PARD6G: variants seen among roughly 807,000 people sequenced by gnomAD.
The protein encoded by PARD6G is par-6 family cell polarity regulator gamma, also known as partitioning defective 6 homolog gamma.
A neutral mutation model predicts 10.7 loss-of-function variants in PARD6G; 7 were observed. The ratio of observed to expected loss-of-function variants is 0.66; its 90% CI spans 0.37 to 1.23. PARD6G has a LOEUF of 1.23. Ranked by LOEUF, PARD6G falls within the 50% of genes most tolerant of loss-of-function variation. The pLI, the probability that PARD6G is intolerant of heterozygous loss-of-function variation, is 0.02. For synonymous variants in PARD6G, 287 were observed against 269.4 expected, an observed-to-expected ratio of 1.07 and a Z score of -0.64; for missense variants, 548 against 571.8, an observed-to-expected ratio of 0.96 and a Z score of 0.42.
rs576316448 is a variant in PARD6G at position 80,235,090 on chromosome 18, T to C, written c.72+12187A>G. On this transcript the variant is annotated intron_variant, in intron 1 of 2. Coordinates refer to ENST00000353265, the MANE Select transcript of PARD6G (RefSeq NM_032510.4). ...CCACCACACCACACCTATTCCAAAA[T>C]TGACCACATAGTTGGAAGTAAAGCA... Among the ~76,000 whole-genome samples the C allele has an allele frequency of 2.6e-5, 4 of 152,230 alleles. No individual in the cohort carries two copies. The South Asian group carries it at 8.3e-4, about 32-fold the overall frequency.
chr18:80,227,794 G>A (rs924421367), intron 1 of PARD6G, among the ~76,000 whole-genome samples: 8 of 152,080 alleles, frequency 5.3e-5, no homozygotes, highest in Non-Finnish European at 8.8e-5. Flanking sequence ...CCCAGAAAGA[G>A]AAGAGCATCT....
intron 2 of PARD6G, among the ~76,000 whole-genome samples, chr18:80,185,136 A>G (rs932868879): frequency 6.6e-6 from 1 of 152,170 alleles, no homozygotes; most frequent in African/African-American, 2.4e-5. Context: ...ATGAATTACA[A>G]TCTGAAAGTC....
rs971974572 is a variant in PARD6G at position 80,160,237 on chromosome 18, A to G, written c.665T>C (p.Ile222Thr). 4 of 1,612,514 alleles carry G rather than the reference A, an allele frequency of 2.5e-6. No individual in the cohort carries two copies. The highest frequency in any genetic ancestry group is 1.7e-5 in the Admixed American group (1 of 59,976). The change falls in exon 3 of 3, where the codon ATT (isoleucine) becomes ACT (threonine). Residue 222 changes from isoleucine (I) to threonine (T), a missense_variant. Ile to Thr is a moderately conservative substitution (Grantham distance 89, BLOSUM62 -1). This residue lies in a region of PARD6G where 313 missense variants were observed against 279.9 expected (regional missense o/e 1.12). Transcript: ENST00000353265. Reference sequence around the variant, plus strand: ...GTCCAGCGTCTTCCCGGCCACCTCAATGCCGTTCACCTCCAGGACCTCGTC... The same window carrying G: ...GTCCAGCGTCTTCCCGGCCACCTCAGTGCCGTTCACCTCCAGGACCTCGTC... ...VNDEVLEVNGIEVAGKTLDQV... is the reference protein window; with the variant it reads ...VNDEVLEVNGTEVAGKTLDQV...
At position 80,247,307 on chromosome 18, in the gene PARD6G, G is replaced by C; in HGVS notation, c.42C>G (p.Tyr14Ter). The change falls in exon 1 of 3, where the codon TAC (tyrosine) becomes TAG (stop). Residue 14 changes from tyrosine to a stop codon, truncating the protein, a stop_gained. Coordinates refer to ENST00000353265, the MANE Select transcript of PARD6G (RefSeq NM_032510.4). LOFTEE classifies it high-confidence loss of function. The surrounding 1 kb of genome is among the most constrained non-coding windows in gnomAD (Gnocchi z 4.2). ...SFHKSQTLRF[Y>*]DCSAVEVKSK... ...TCTTGACTTCCACTGCGCTGCAATC[G>C]TAGAATCGCAAGGTCTGAGACTTGT... 1 of 1,584,806 alleles carries C rather than the reference G, an allele frequency of 6.3e-7. No individual in the cohort carries two copies. Among genetic ancestry groups the C allele is most frequent in the Non-Finnish European group, 8.6e-7 (1 of 1,166,480 alleles).
intron 2 of PARD6G, among the ~76,000 whole-genome samples, chr18:80,174,935 C>A (rs2052799971): frequency 6.6e-6 from 1 of 151,900 alleles, no homozygotes; most frequent in Admixed American, 6.6e-5. Context: ...GGCGACAGAG[C>A]CAGACTCCAT....
intron 2 of PARD6G, chr18:80,187,959 C>T (rs943531582): frequency 6.6e-6 from 1 of 152,220 alleles, no homozygotes; most frequent in Non-Finnish European, 1.5e-5. Flanking sequence ...ATCTGTGTAT[C>T]TAAATACTTC....
At chr18:80,199,848 T>G (rs1255073928) in intron 2 of PARD6G, among the ~76,000 whole-genome samples, 6 of 152,182 alleles carry the variant, frequency 3.9e-5, no homozygotes, top group African/African-American at 1.4e-4. Context: ...TTTCACCATG[T>G]TGGCCAGGCT....
intron 1 of PARD6G, among the ~76,000 whole-genome samples, chr18:80,241,652 C>T (rs1305272875): frequency 1.3e-5 from 2 of 152,144 alleles, no homozygotes; most frequent in East Asian, 1.9e-4. Flanking sequence ...CTGGGGGACT[C>T]GGGGCAGGGC....
rs915899695 is a variant in PARD6G, at chr18:80,246,674, G to T, written c.72+603C>A. ...CTGGCCCGGGGACGCGCCCGGGGAG[G>T]CGTGGTCTGGGTCTGGGCCGGGGGA... On this transcript the variant is annotated intron_variant, in intron 1 of 2. Coordinates refer to ENST00000353265, the MANE Select transcript of PARD6G (RefSeq NM_032510.4). This position sits in a 1 kb window ranked among gnomAD's most constrained non-coding sequence, Gnocchi z 6.7. 3.3e-5 allele frequency among the ~76,000 whole-genome samples: 5 copies of T among 151,498 alleles called. No homozygotes were observed. The highest frequency in any genetic ancestry group is 3.3e-4 in the Admixed American group (5 of 15,256).
intron 1 of PARD6G, among the ~76,000 whole-genome samples, chr18:80,243,735 G>A (rs567105987): frequency 6.6e-6 from 1 of 152,276 alleles, no homozygotes; most frequent in African/African-American, 2.4e-5. Flanking sequence ...CAGGCATCCA[G>A]AATGACTTTG....
intron 1 of PARD6G, among the ~76,000 whole-genome samples, chr18:80,240,409 C>G (rs1967476800): frequency 6.6e-6 from 1 of 152,130 alleles, no homozygotes; most frequent in Non-Finnish European, 1.5e-5. Context: ...GTCAGGAAAA[C>G]CCACTTGTTT....
chr18:80,175,342 T>C lies in PARD6G; in HGVS notation c.296-14736A>G, dbSNP rs892217437. Among the ~76,000 whole-genome samples, 1 of 152,186 alleles carries C rather than the reference T, an allele frequency of 6.6e-6. No individual in the cohort carries two copies. The highest frequency in any genetic ancestry group is 2.1e-4 in the South Asian group (1 of 4,824). ...GTTCTGGAGGCTGGAAAGTCCCATATCAAGGTCCGGCTTGTAACAGTTTCT... is the reference window on the plus strand; with the variant it reads ...GTTCTGGAGGCTGGAAAGTCCCATACCAAGGTCCGGCTTGTAACAGTTTCT... On this transcript the variant is annotated intron_variant, in intron 2 of 2. Coordinates refer to ENST00000353265, the MANE Select transcript of PARD6G (RefSeq NM_032510.4). The surrounding 1 kb of genome is among the most constrained non-coding windows in gnomAD (Gnocchi z 6.7).
intron 1 of PARD6G, among the ~76,000 whole-genome samples, chr18:80,220,263 GTAACTGCCCCCATGATTCAA>G (rs1348437265): frequency 1.3e-5 from 2 of 152,238 alleles, no homozygotes; most frequent in East Asian, 3.9e-4. Flanking sequence ...CAGCATAGAG[GTAACTGCCCCCATGATTCAA>G]TTACCTCCCA....
chr18:80,210,079 A>G (rs1175929125), intron 1 of PARD6G, among the ~76,000 whole-genome samples: 2 of 152,202 alleles, frequency 1.3e-5, no homozygotes, highest in Non-Finnish European at 2.9e-5. Context: ...CAGTTGCGAT[A>G]AAAGTAATGT....
chr18:80,193,096 C>T (rs966243535), intron 2 of PARD6G, among the ~76,000 whole-genome samples: 12 of 152,144 alleles, frequency 7.9e-5, no homozygotes, highest in Middle Eastern at 3.2e-3. Context: ...CGGAGACCCA[C>T]CTGAAGCCCA....
At chr18:80,244,815 T>C (rs1967526603) in intron 1 of PARD6G, among the ~76,000 whole-genome samples, 1 of 152,178 alleles carries the variant, frequency 6.6e-6, no homozygotes, top group Admixed American at 6.5e-5. Context: ...GCTGTTATTT[T>C]GACAACAGCG....
chr18:80,197,889 A>G (rs754408535), intron 2 of PARD6G, among the ~76,000 whole-genome samples: 9 of 152,162 alleles, frequency 5.9e-5, no homozygotes, highest in Admixed American at 1.3e-4. Context: ...AAATACGCAG[A>G]CTCAAGTCCA....
intron 2 of PARD6G, among the ~76,000 whole-genome samples, chr18:80,163,509 C>T (rs930491684): frequency 1.4e-4 from 21 of 152,240 alleles, no homozygotes; most frequent in African/African-American, 4.8e-4. Flanking sequence ...TCCCAGTTCA[C>T]AGCCACCCAT....
Position 80,195,619 on chromosome 18 carries a change from C to T in PARD6G, c.295+7091G>A, listed in dbSNP as rs1599859952. The stretch of plus-strand genomic sequence containing the variant: ...TTTTTCTGACCAGGTGCGATGGCTC[C>T]ATAATCTCAGCACTTTGGGAGGCTG... On this transcript the variant is annotated intron_variant, in intron 2 of 2. Coordinates refer to ENST00000353265, the MANE Select transcript of PARD6G (RefSeq NM_032510.4). 4.3e-5 allele frequency among the ~76,000 whole-genome samples: 5 copies of T among 116,598 alleles called. No individual in the cohort carries two copies. In the South Asian group the frequency reaches 1.2e-3, roughly 27 times the overall value. 76.5% of individuals were successfully genotyped at this position (116,598 alleles called of 152,430 possible). A position where few individuals can be genotyped will look rare whatever the true frequency, so the allele number is the denominator to read the frequency against.
Sources: allele counts gnomAD v4.1 joint callset (sites outside exome capture counted in the v4.1 genomes callset), GRCh38; gene constraint gnomAD v4.1.1; regional missense constraint gnomAD v4.1.1; non-coding constraint Gnocchi (gnomAD v3.1); transcripts MANE v1.5; gene names NCBI Gene and HGNC (gene_info 2026-07-23, HGNC 2026-07-21).